STAU2: variants seen among roughly 807,000 people sequenced by gnomAD.
STAU2 encodes the protein double-stranded RNA-binding protein Staufen homolog 2.
STAU2 carries 20 observed loss-of-function variants against 65.9 expected under a neutral mutation model. The observed-to-expected ratio is 0.30, with a 90% CI of 0.21 to 0.44. The LOEUF (loss-of-function observed/expected upper bound fraction) is 0.44, where lower values mean the gene tolerates loss of function less well. Among genes scored for constraint, STAU2 ranks in the 20% least tolerant of loss-of-function variants. The pLI is 1.00. For synonymous variants in STAU2, 232 were observed against 233.9 expected (o/e 0.99, Z 0.07); for missense variants, 558 against 683.9 (o/e 0.82, Z 2.05).
chr8:73,732,287 G>C (rs1392617799), intron 3 of STAU2, among the ~76,000 whole-genome samples: 7 of 152,322 alleles, frequency 4.6e-5, no homozygotes, highest in East Asian at 3.9e-4. Context: ...TCCAAGGTTG[G>C]GGGTAGTGAG....
In STAU2 at chr8:73,582,830, T is replaced by C. The variant is rs1241522371; in HGVS notation, c.1162A>G (p.Thr388Ala). 1.9e-6 allele frequency: 3 copies of C among 1,609,602 alleles called. No individual in the cohort carries two copies. The highest frequency in any genetic ancestry group is 2.2e-5 in the South Asian group (2 of 90,542). Residue 388 changes from threonine to alanine, a missense_variant and splice_region_variant, in exon 12 of 15, where the codon ACA becomes GCA. By Grantham distance (58) the Thr-to-Ala change is moderately conservative. This residue lies in a region of STAU2 where 247 missense variants were observed against 270.1 expected (regional missense o/e 0.91). Transcript: ENST00000524300. ...STNLQDQLEK[T>A]GENKGWSGPK... ...CCACTCCATCCTTTGTTTTCCCCTG[T>C]CTGAAAGATTAAATCAATCGTTCAA...
chr8:73,510,415 AAT>A (rs1822323978), intron 13 of STAU2, among the ~76,000 whole-genome samples: 1 of 152,186 alleles, frequency 6.6e-6, no homozygotes, highest in African/African-American at 2.4e-5. Flanking sequence ...TATTTGGACA[AAT>A]AGTCAAATTT....
At chr8:73,478,563 T>C (rs1820441480) in intron 13 of STAU2, among the ~76,000 whole-genome samples, 1 of 152,164 alleles carries the variant, frequency 6.6e-6, no homozygotes, top group Admixed American at 6.5e-5. Context: ...TACATAAGTA[T>C]ATTTCAAGTC....
intron 6 of STAU2, among the ~76,000 whole-genome samples, chr8:73,660,443 G>A (rs963729195): frequency 6.6e-6 from 1 of 152,160 alleles, no homozygotes; most frequent in Non-Finnish European, 1.5e-5. Flanking sequence ...CCAAGATTAA[G>A]TGGTGATCCC....
At chr8:73,561,638 A>G in intron 12 of STAU2, 3 of 429,558 alleles carry the variant, frequency 7.0e-6, no homozygotes, top group Non-Finnish European at 9.3e-6. Flanking sequence ...TGAAATGTCT[A>G]CCGCAGCAGC....
intron 6 of STAU2, among the ~76,000 whole-genome samples, chr8:73,659,988 A>G (rs905632692): frequency 6.6e-6 from 1 of 152,216 alleles, no homozygotes; most frequent in African/African-American, 2.4e-5. Context: ...TAATGCTTAA[A>G]CTTTTAGCAT....
intron 13 of STAU2, among the ~76,000 whole-genome samples, chr8:73,546,376 T>C (rs1806939178): frequency 6.6e-6 from 1 of 152,172 alleles, no homozygotes; most frequent in African/African-American, 2.4e-5. Context: ...CAGAAGACTA[T>C]GGGCCACCAC....
chr8:73,722,840 G>C (rs1274770748), intron 3 of STAU2, among the ~76,000 whole-genome samples: 2 of 152,152 alleles, frequency 1.3e-5, no homozygotes, highest in East Asian at 3.8e-4. Context: ...ATAAACAAGT[G>C]TTAAGTTCCT....
At chr8:73,653,049 T>C (rs1370984527) in intron 6 of STAU2, 1 of 152,168 alleles carries the variant, frequency 6.6e-6, no homozygotes, top group East Asian at 1.9e-4. Context: ...AATATCGGTT[T>C]TCAAGATAAT....
At chr8:73,523,026 T>A (rs1480770771) in intron 13 of STAU2, among the ~76,000 whole-genome samples, 3 of 151,594 alleles carry the variant, frequency 2.0e-5, no homozygotes, top group African/African-American at 7.3e-5. Flanking sequence ...TGAAACCCCG[T>A]CTCTACTAAA....
intron 13 of STAU2, among the ~76,000 whole-genome samples, chr8:73,437,779 T>G (rs1563591118): frequency 6.6e-6 from 1 of 151,946 alleles, no homozygotes. Context: ...CAGGGGACCT[T>G]CGGTTGCCTC....
At chr8:73,611,105 C>T (rs1158736529) in intron 9 of STAU2, among the ~76,000 whole-genome samples, 2 of 152,140 alleles carry the variant, frequency 1.3e-5, no homozygotes, top group Non-Finnish European at 2.9e-5. Context: ...TTGAGTGTAA[C>T]AAACTATAGA....
At chr8:73,479,534 C>T (rs1001749607) in intron 13 of STAU2, among the ~76,000 whole-genome samples, 4 of 149,014 alleles carry the variant, frequency 2.7e-5, no homozygotes, top group Non-Finnish European at 1.5e-5. Flanking sequence ...AAAACTTGTG[C>T]TACATGTTAG....
At chr8:73,710,960 A>T (rs923121097) in intron 3 of STAU2, among the ~76,000 whole-genome samples, 1 of 151,802 alleles carries the variant, frequency 6.6e-6, no homozygotes, top group Non-Finnish European at 1.5e-5. Context: ...AACAGGCCCA[A>T]TAATTTGTAC....
At chr8:73,442,579 A>G (rs1052511690) in intron 13 of STAU2, among the ~76,000 whole-genome samples, 2 of 152,176 alleles carry the variant, frequency 1.3e-5, no homozygotes, top group Non-Finnish European at 1.5e-5. Flanking sequence ...TCATGGGGAT[A>G]TGAGTTAGGC....
chr8:73,428,939 C>T (rs989621550), intron 13 of STAU2, among the ~76,000 whole-genome samples: 15 of 152,152 alleles, frequency 9.9e-5, no homozygotes, highest in African/African-American at 3.4e-4. Context: ...GATCGTCATC[C>T]CTCCAAGAAT....
At chr8:73,537,183 T>A (rs1032366829) in intron 13 of STAU2, among the ~76,000 whole-genome samples, 1 of 151,666 alleles carries the variant, frequency 6.6e-6, no homozygotes, top group Non-Finnish European at 1.5e-5. Context: ...AGCTCCCCAA[T>A]CTGAAAAACA....
chr8:73,644,610 T>C (rs1563478128), intron 6 of STAU2, among the ~76,000 whole-genome samples: 1 of 151,764 alleles, frequency 6.6e-6, no homozygotes, highest in South Asian at 2.1e-4. Flanking sequence ...GAGAAATCAA[T>C]AAAACTGGAA....
upstream of STAU2, chr8:73,747,475 C>A (rs946311411): frequency 2.0e-6 from 3 of 1,533,718 alleles, no homozygotes; most frequent in African/African-American, 2.7e-5. Flanking sequence ...GTGCAACGCA[C>A]GGTTTAGCGG....
Sources: gnomAD v4.1 joint callset for allele counts (sites outside exome capture counted in the v4.1 genomes callset) on GRCh38, gnomAD v4.1.1 for gene constraint, gnomAD v4.1.1 regional missense constraint, MANE v1.5 for transcripts, NCBI Gene and HGNC (gene_info 2026-07-23, HGNC 2026-07-21) for gene names.